EFCAB5: variants seen among roughly 807,000 people sequenced by gnomAD.
The protein encoded by EFCAB5 is EF-hand calcium binding domain 5, also known as EF-hand calcium-binding domain-containing protein 5.
EFCAB5 carries 131 observed loss-of-function variants against 167.9 expected under a neutral mutation model. That is an observed-to-expected ratio of 0.78 (90% confidence interval 0.68 to 0.90). The LOEUF is 0.90. Ranked by LOEUF, EFCAB5 falls within the 40% of genes least tolerant of loss-of-function variation. The pLI is 0.00. For synonymous variants in EFCAB5, 574 were observed against 602.8 expected (o/e 0.95, Z 0.70); for missense variants, 1,663 against 1,745.2 (o/e 0.95, Z 0.84).
chr17:29,931,171 C>T (rs1324350276), intron 1 of EFCAB5, among the ~76,000 whole-genome samples: 4 of 152,162 alleles, frequency 2.6e-5, no homozygotes, highest in African/African-American at 4.8e-5. Context: ...AGAGAGTTGA[C>T]AAGGCTATTT....
At chr17:29,987,806 C>T (rs2068321080) in intron 4 of EFCAB5, among the ~76,000 whole-genome samples, 2 of 152,102 alleles carry the variant, frequency 1.3e-5, no homozygotes. Flanking sequence ...AACTGGAATG[C>T]CCATACCACA....
At chr17:30,091,779 A>G (rs1305474735) in intron 20 of EFCAB5, 92 bp from the exon 21 acceptor site, 1 of 1,368,526 alleles carries the variant, frequency 7.3e-7, no homozygotes. Flanking sequence ...AAAAACATTT[A>G]CTATAATATG....
At chr17:30,105,940 T>C (rs1018646531) in intron 22 of EFCAB5, among the ~76,000 whole-genome samples, 4 of 152,178 alleles carry the variant, frequency 2.6e-5, no homozygotes, top group African/African-American at 9.7e-5. Context: ...TCCTATCCCA[T>C]ATTATACCTT....
At chr17:29,958,791 G>A (rs906708804) in intron 3 of EFCAB5, among the ~76,000 whole-genome samples, 5 of 152,144 alleles carry the variant, frequency 3.3e-5, no homozygotes, top group Admixed American at 3.3e-4. Context: ...AGTATTCAAA[G>A]GGAATTGAGT....
chr17:30,062,245 T>A (rs567981661), intron 14 of EFCAB5, among the ~76,000 whole-genome samples: 1 of 152,026 alleles, frequency 6.6e-6, no homozygotes, highest in Non-Finnish European at 1.5e-5. Flanking sequence ...GAAAAATAAC[T>A]GAGGGAGAGT....
In EFCAB5 at chr17:30,053,712, A is replaced by G; in HGVS notation, c.1758A>G (p.Gln586=). The change falls in exon 10 of 23, where the codon CAA becomes CAG. Residue 586 remains glutamine, a synonymous_variant. Coordinates refer to ENST00000394835, the MANE Select transcript of EFCAB5 (RefSeq NM_198529.4). ...QGQHKGSIEG[Q]GPRRVSVSEQ... ...AGCACAAAGGGTCAATAGAAGGACA[A>G]GGACCACGCAGAGTGTCAGTTTCAG... 6.2e-7 allele frequency: 1 copy of G among 1,614,006 alleles called. No individual in the cohort carries two copies. The highest frequency in any genetic ancestry group is 8.5e-7 in the Non-Finnish European group (1 of 1,179,874).
At chr17:29,972,743 C>CTTGCTGAACACTACCA (rs2067984968) in intron 4 of EFCAB5, 2 of 221,010 alleles carry the variant, frequency 9.0e-6, no homozygotes, top group Admixed American at 4.1e-5. Context: ...AGAAAGCGTC[C>CTTGCTGAACACTACCA]TTGCTGAACA....
chr17:30,035,880 A>G (rs1025949778), intron 8 of EFCAB5, among the ~76,000 whole-genome samples: 1 of 151,896 alleles, frequency 6.6e-6, no homozygotes, highest in Non-Finnish European at 1.5e-5. Context: ...ATGCCAGAAT[A>G]GCATATTTTA....
chr17:30,090,267 C>T, intron 19 of EFCAB5, 154 bp from the exon 20 acceptor site: 1 of 971,668 alleles, frequency 1.0e-6, no homozygotes, highest in South Asian at 1.8e-5. Flanking sequence ...CATGTGAAAT[C>T]AAGGGCTAGA....
chr17:29,942,697 C>T (rs866576669), intron 2 of EFCAB5, among the ~76,000 whole-genome samples: 18 of 152,168 alleles, frequency 1.2e-4, no homozygotes, highest in Middle Eastern at 3.4e-3. Flanking sequence ...AAAGGGGAGG[C>T]AATTAAAAAT....
intron 19 of EFCAB5, 62 bp downstream of exon 19, chr17:30,087,228 C>T (rs1294970787): frequency 1.5e-6 from 2 of 1,346,338 alleles, no homozygotes; most frequent in Non-Finnish European, 2.1e-6. Flanking sequence ...AATAGTAGAC[C>T]TGAAAGACAC....
At chr17:30,034,131 C>T in intron 7 of EFCAB5, 99 bp from the exon 8 acceptor site, 1 of 1,366,254 alleles carries the variant, frequency 7.3e-7, no homozygotes, top group Non-Finnish European at 9.9e-7. Context: ...AAACATTTTA[C>T]AGCCAATGTA....
At chr17:30,076,600 G>A (rs778624863) in intron 14 of EFCAB5, among the ~76,000 whole-genome samples, 56 of 152,326 alleles carry the variant, frequency 3.7e-4, no homozygotes, top group Admixed American at 3.9e-4. Flanking sequence ...AGATGCTATC[G>A]TCTTTCAAGA....
At chr17:30,022,921 T>C (rs1203496671) in intron 7 of EFCAB5, among the ~76,000 whole-genome samples, 1 of 152,114 alleles carries the variant, frequency 6.6e-6, no homozygotes, top group Non-Finnish European at 1.5e-5. Context: ...AACTTGCTCC[T>C]GAATGACTAC....
intron 6 of EFCAB5, among the ~76,000 whole-genome samples, chr17:29,999,261 T>C (rs60659852): frequency 0.09 from 13,751 of 152,070 alleles, 1,374 homozygotes; most frequent in African/African-American, 0.25. Flanking sequence ...AAAAAGCAAG[T>C]TGCACATCAA....
intron 7 of EFCAB5, among the ~76,000 whole-genome samples, chr17:30,012,347 GT>G (rs749542905): frequency 6.6e-6 from 1 of 152,172 alleles, no homozygotes; most frequent in Non-Finnish European, 1.5e-5. Context: ...TGCTTCAGTG[GT>G]CACGCTCCTA....
chr17:29,967,968 G>A (rs1002765718), intron 3 of EFCAB5, among the ~76,000 whole-genome samples: 4 of 150,384 alleles, frequency 2.7e-5, no homozygotes, highest in African/African-American at 9.8e-5. Context: ...TCGACCTCCA[G>A]GGCTTAAGTG....
intron 3 of EFCAB5, among the ~76,000 whole-genome samples, chr17:29,946,375 T>G (rs893183417): frequency 6.6e-6 from 1 of 151,494 alleles, no homozygotes; most frequent in Non-Finnish European, 1.5e-5. Context: ...GCTTGTACAC[T>G]GCTGGTGGGA....
chr17:29,968,258 C>T (rs775061470), intron 3 of EFCAB5: 1 of 427,558 alleles, frequency 2.3e-6, no homozygotes, highest in African/African-American at 2.1e-5. Context: ...TGAACCAAAC[C>T]CTGGCACCAA....
Sources: gnomAD v4.1 joint callset for allele counts (sites outside exome capture counted in the v4.1 genomes callset) on GRCh38, gnomAD v4.1.1 for gene constraint, MANE v1.5 for transcripts, NCBI Gene and HGNC (gene_info 2026-07-23, HGNC 2026-07-21) for gene names.